The following CNNM2 variants were observed in gnomAD, a reference collection of about 807,000 sequenced individuals.
The protein encoded by CNNM2 is cyclin and CBS domain divalent metal cation transport mediator 2, also known as metal transporter CNNM2.
CNNM2 carries 12 observed loss-of-function variants against 66.9 expected under a neutral mutation model. That is an observed-to-expected ratio of 0.18 (90% CI 0.11 to 0.29). The LOEUF is 0.29. CNNM2 is among the 10% of genes least tolerant of loss of function. The pLI, the probability that CNNM2 is intolerant of heterozygous loss-of-function variation, is 1.00. For missense variants in CNNM2, 705 were observed against 1,167.7 expected, an observed-to-expected ratio of 0.60 and a Z score of 5.77; for synonymous variants, 557 against 501.8, an observed-to-expected ratio of 1.11 and a Z score of -1.47.
intron 1 of CNNM2, among the ~76,000 whole-genome samples, chr10:103,021,727 T>C (rs1454364756): frequency 6.6e-6 from 1 of 151,098 alleles, no homozygotes; most frequent in East Asian, 1.9e-4. Context: ...GGCAACATTG[T>C]CGGTGTTCTC....
chr10:103,027,639 CA>C (rs1181018254), intron 1 of CNNM2: 1 of 152,184 alleles, frequency 6.6e-6, no homozygotes, highest in Non-Finnish European at 1.5e-5. Flanking sequence ...TAGAAGCCTA[CA>C]ATCTATATTT....
At chr10:103,071,922 CT>C in intron 6 of CNNM2, 83 bp downstream of exon 6, 1 of 1,190,616 alleles carries the variant, frequency 8.4e-7, no homozygotes, top group Non-Finnish European at 1.3e-6. Flanking sequence ...GGTCTGCTCC[CT>C]TTACCTGGAC....
chr10:102,977,110 C>G (rs1308710165), intron 1 of CNNM2, among the ~76,000 whole-genome samples: 1 of 152,104 alleles, frequency 6.6e-6, no homozygotes, highest in Non-Finnish European at 1.5e-5. Flanking sequence ...AACTGATTGT[C>G]CTAAAGAGCT....
intron 1 of CNNM2, among the ~76,000 whole-genome samples, chr10:103,033,201 GT>G (rs1195230725): frequency 6.6e-6 from 1 of 150,742 alleles, no homozygotes; most frequent in Non-Finnish European, 1.5e-5. Flanking sequence ...TTATTTTTAT[GT>G]TTTTGAGATG....
At chr10:102,932,213 T>C (rs2134167762) in intron 1 of CNNM2, among the ~76,000 whole-genome samples, 1 of 152,258 alleles carries the variant, frequency 6.6e-6, no homozygotes, top group South Asian at 2.1e-4. Flanking sequence ...TTTTTCCTTT[T>C]TTTTTTTAAC....
intron 1 of CNNM2, among the ~76,000 whole-genome samples, chr10:103,047,013 A>G (rs116954400): frequency 0.012 from 1,855 of 152,328 alleles, 10 homozygotes; most frequent in Non-Finnish European, 0.019. Flanking sequence ...TAATATATGC[A>G]GGTACTCCCC....
chr10:103,087,303 C>T lies in CNNM2; in HGVS notation c.*10123C>T, dbSNP rs1164578277. On this transcript the variant is annotated 3_prime_UTR_variant, in exon 8 of 8. Coordinates refer to ENST00000369878, the MANE Select transcript of CNNM2 (RefSeq NM_017649.5). ...CATGGACCATTGACTTCCCAGCACA[C>T]TCTTAAGAATAATATACAGAGAGGC... is the stretch of plus-strand genomic sequence containing the variant. 2 of 151,934 alleles carry T rather than the reference C, an allele frequency of 1.3e-5. No individual in the cohort carries two copies. Among genetic ancestry groups the T allele is most frequent in the Admixed American group, 1.3e-4 (2 of 15,252 alleles). 9.4% of individuals were successfully genotyped at this position (151,934 alleles called of 1,614,324 possible).
At position 103,084,403 on chromosome 10, in the gene CNNM2, A is replaced by G. The variant is rs1362713891; in HGVS notation, c.*7223A>G. The G allele has an allele frequency of 6.6e-6, 1 of 152,170 alleles. No individual in the cohort carries two copies. The highest frequency in any genetic ancestry group is 1.5e-5 in the Non-Finnish European group (1 of 68,048). 9.4% of individuals were successfully genotyped at this position (152,170 alleles called of 1,614,324 possible). ...GTATCGCCCAACTACCTGAAAGTAG[A>G]ATGAGGTGTATCTTAGCCCAGTGAA... On this transcript the variant is annotated 3_prime_UTR_variant, in exon 8 of 8. Coordinates refer to ENST00000369878, the MANE Select transcript of CNNM2 (RefSeq NM_017649.5).
intron 1 of CNNM2, among the ~76,000 whole-genome samples, chr10:102,976,611 A>ATTTTTTTTTTTTTTTTTTTTTTTTT (rs66498944): frequency 4.4e-4 from 26 of 59,442 alleles, no homozygotes; most frequent in Non-Finnish European, 6.7e-4. Context: ...CGCCCAGGTA[A>ATTTTTTTTTTTTTTTTTTTTTTTTT]TTTTTTTTTT....
chr10:102,980,377 C>G (rs538688774), intron 1 of CNNM2, among the ~76,000 whole-genome samples: 1 of 149,642 alleles, frequency 6.7e-6, no homozygotes, highest in East Asian at 2.0e-4. Flanking sequence ...CTTAGGTGAT[C>G]CTCCCACCTT....
At chr10:102,964,528 TA>T (rs2063430978) in intron 1 of CNNM2, among the ~76,000 whole-genome samples, 1 of 152,114 alleles carries the variant, frequency 6.6e-6, no homozygotes, top group Admixed American at 6.6e-5. Flanking sequence ...TGCGCCTGGC[TA>T]GATATTCTTA....
At position 102,935,774 on chromosome 10, in the gene CNNM2, C is replaced by CT. The variant is rs34196326; in HGVS notation, c.1621+15697dup. Reference sequence around the variant, plus strand: ...CACAGGCACACTCCACTGCACCTGGCTTTTTTTTTTTTTTTTTTTTTTTTG... The same window carrying CT: ...CACAGGCACACTCCACTGCACCTGGCTTTTTTTTTTTTTTTTTTTTTTTTTG... On this transcript the variant is annotated intron_variant, in intron 1 of 7. Coordinates refer to ENST00000369878, the MANE Select transcript of CNNM2 (RefSeq NM_017649.5). 0.018 allele frequency among the ~76,000 whole-genome samples: 1,410 copies of CT among 77,982 alleles called. 38 individuals carry two copies. The highest frequency in any genetic ancestry group is 0.035 in the South Asian group (64 of 1,832). 51.2% of individuals were successfully genotyped at this position (77,982 alleles called of 152,430 possible). A position where few individuals can be genotyped will look rare whatever the true frequency, so the allele number is the denominator to read the frequency against.
intron 1 of CNNM2, among the ~76,000 whole-genome samples, chr10:102,983,369 T>C (rs1458667102): frequency 6.8e-6 from 1 of 148,094 alleles, no homozygotes; most frequent in Admixed American, 6.8e-5. Flanking sequence ...TTTATATATA[T>C]AAATTTTTTA....
rs1554890617 is a variant in CNNM2, at chr10:102,944,979, G to GTTTTTTGT, written c.1621+24884_1621+24885insGTTTTTTT. Reference sequence around the variant, plus strand: ...TAAATATGGTTTTGTTTTGTTTTTTGTTTTTTTTTTTGGCAAGAATACCAC... The same window carrying GTTTTTTGT: ...TAAATATGGTTTTGTTTTGTTTTTTGTTTTTTGTTTTTTTTTTTTGGCAAGAATACCAC... On this transcript the variant is annotated intron_variant, in intron 1 of 7. Transcript: ENST00000369878. Among the ~76,000 whole-genome samples the GTTTTTTGT allele has an allele frequency of 4.7e-3, 660 of 140,618 alleles. 17 individuals carry two copies. In the East Asian group the frequency reaches 0.073, roughly 16 times the overall value. 92.3% of individuals were successfully genotyped at this position (140,618 alleles called of 152,430 possible). A position where few individuals can be genotyped will look rare whatever the true frequency, so the allele number is the denominator to read the frequency against.
intron 1 of CNNM2, among the ~76,000 whole-genome samples, chr10:102,998,476 TTAAAG>T (rs2064045493): frequency 1.3e-5 from 2 of 152,328 alleles, no homozygotes; most frequent in African/African-American, 2.4e-5. Flanking sequence ...ATATGCGAAC[TTAAAG>T]TAAACAAATC....
chr10:102,952,981 T>A (rs755090441), intron 1 of CNNM2, among the ~76,000 whole-genome samples: 8 of 152,224 alleles, frequency 5.3e-5, no homozygotes. Context: ...TTGGAATTAT[T>A]TCCTACTGAT....
At chr10:102,965,024 C>T (rs533254374) in intron 1 of CNNM2, among the ~76,000 whole-genome samples, 28 of 152,318 alleles carry the variant, frequency 1.8e-4, no homozygotes, top group African/African-American at 6.3e-4. Context: ...GGATGCAAGG[C>T]GCCATCTTGG....
chr10:102,980,074 C>G (rs2134228808), intron 1 of CNNM2, among the ~76,000 whole-genome samples: 1 of 152,138 alleles, frequency 6.6e-6, no homozygotes, highest in South Asian at 2.1e-4. Flanking sequence ...CCACCAAGCC[C>G]AGCTAAGTTT....
At chr10:102,972,564 C>T (rs1426520264) in intron 1 of CNNM2, among the ~76,000 whole-genome samples, 4 of 152,056 alleles carry the variant, frequency 2.6e-5, no homozygotes, top group Non-Finnish European at 4.4e-5. Flanking sequence ...TGAACCCGGG[C>T]GGCGGAGCTT....
Sources: allele counts gnomAD v4.1 joint callset (sites outside exome capture counted in the v4.1 genomes callset), GRCh38; gene constraint gnomAD v4.1.1; transcripts MANE v1.5; gene names NCBI Gene and HGNC (gene_info 2026-07-23, HGNC 2026-07-21).